Variants in NLRP3 observed in about 807,000 individuals in gnomAD.
NLRP3 encodes the protein NLR family pyrin domain containing 3.
NLRP3 carries 48 observed loss-of-function variants against 91.3 expected under a neutral mutation model. The observed-to-expected ratio is 0.53, with a 90% CI of 0.42 to 0.67. The LOEUF is 0.67. Ranked by LOEUF, NLRP3 falls within the 30% of genes least tolerant of loss-of-function variation. NLRP3 has a pLI of 0.00. For missense variants in NLRP3, 982 were observed against 1,276.9 expected (o/e 0.77, Z 3.52); for synonymous variants, 561 against 507.9 (o/e 1.10, Z -1.41).
At chr1:247,423,815 A>G (rs2103104982) in intron 3 of NLRP3, 32 bp from the exon 4 acceptor site, 2 of 1,598,258 alleles carry the variant, frequency 1.3e-6, no homozygotes, top group Non-Finnish European at 1.7e-6. Flanking sequence ...ATGTGTGTAT[A>G]CTTTCCCCCT....
At chr1:247,441,198 C>CG (rs1558207348) in intron 7 of NLRP3, among the ~76,000 whole-genome samples, 69 of 103,206 alleles carry the variant, frequency 6.7e-4, no homozygotes, top group African/African-American at 2.3e-3. Flanking sequence ...TCCCCTCCCC[C>CG]CCCCCTTTCC....
intron 9 of NLRP3, among the ~76,000 whole-genome samples, chr1:247,447,928 A>G (rs1664693489): frequency 6.6e-6 from 1 of 151,758 alleles, no homozygotes; most frequent in Admixed American, 6.6e-5. Flanking sequence ...TCATTATACT[A>G]TTTTCTATAC....
chr1:247,444,637 C>A lies in NLRP3; in HGVS notation c.2835-14C>A. The stretch of plus-strand genomic sequence containing the variant: ...TTAAGGGGACATTTTCTTTAAATCA[C>A]CCCCTTTTTGCAGATTAGACAACTG... On this transcript the variant is annotated splice_polypyrimidine_tract_variant and intron_variant, in intron 8 of 9. Coordinates refer to ENST00000336119, the MANE Select transcript of NLRP3 (RefSeq NM_001243133.2). The A allele has an allele frequency of 3.1e-6, 5 of 1,613,552 alleles. No homozygotes were observed. Among genetic ancestry groups the A allele is most frequent in the Non-Finnish European group, 4.2e-6 (5 of 1,179,798 alleles).
chr1:247,444,552 T>G, intron 8 of NLRP3, 99 bp from the exon 9 acceptor site: 1 of 1,321,422 alleles, frequency 7.6e-7, no homozygotes, highest in Non-Finnish European at 1.1e-6. Flanking sequence ...GTGCTTTTTT[T>G]TTTTCCACCT....
At chr1:247,436,993 C>T (rs1317705344) in intron 7 of NLRP3, among the ~76,000 whole-genome samples, 1 of 152,220 alleles carries the variant, frequency 6.6e-6, no homozygotes, top group Non-Finnish European at 1.5e-5. Context: ...TTCAGGGAGC[C>T]TCATAACTTT....
chr1:247,445,684 C>T (rs561767589), intron 9 of NLRP3, among the ~76,000 whole-genome samples: 1 of 152,312 alleles, frequency 6.6e-6, no homozygotes, highest in Admixed American at 6.5e-5. Context: ...GATGATTGCA[C>T]TTTTCCCTGA....
At chr1:247,431,560 T>C (rs927330077) in intron 5 of NLRP3, among the ~76,000 whole-genome samples, 3 of 152,168 alleles carry the variant, frequency 2.0e-5, no homozygotes, top group African/African-American at 7.2e-5. Flanking sequence ...TCCCCGGGGA[T>C]GGGGTTTGCG....
intron 7 of NLRP3, among the ~76,000 whole-genome samples, chr1:247,438,378 GTTTTTTTTTTT>G (rs74163772): frequency 9.7e-5 from 7 of 71,916 alleles, no homozygotes; most frequent in Non-Finnish European, 1.8e-4. Flanking sequence ...GTTTAGTTGT[GTTTTTTTTTTT>G]TTTTTTTTTT....
At chr1:247,423,642 A>T (rs559499002) in intron 3 of NLRP3, among the ~76,000 whole-genome samples, 33 of 152,114 alleles carry the variant, frequency 2.2e-4, no homozygotes, top group Non-Finnish European at 4.1e-4. Flanking sequence ...GTAGCTACAC[A>T]TAGAGATGGG....
intron 6 of NLRP3, among the ~76,000 whole-genome samples, chr1:247,435,536 G>A (rs1663724808): frequency 6.6e-6 from 1 of 152,210 alleles, no homozygotes; most frequent in Admixed American, 6.5e-5. Context: ...GAGACAGGAA[G>A]AAACGTGGTT....
chr1:247,441,717 G>A (rs1242363416), intron 7 of NLRP3, among the ~76,000 whole-genome samples: 3 of 152,198 alleles, frequency 2.0e-5, no homozygotes, highest in Non-Finnish European at 4.4e-5. Context: ...GGTGGGACAT[G>A]GTTGTTTGAT....
rs1244421162 is a variant in NLRP3, at chr1:247,419,017, T to C, written c.217T>C (p.Phe73Leu). The C allele has an allele frequency of 6.2e-7, 1 of 1,613,814 alleles. No homozygotes were observed. The highest frequency in any genetic ancestry group is 8.5e-7 in the Non-Finnish European group (1 of 1,180,032). ...GGCGTGGGCCATGGCCGTGTGGATC[T>C]TCGCTGCGATCAACAGGAGAGACCT... ...EKAWAMAVWIFAAINRRDLYE... is the reference protein window; with the variant it reads ...EKAWAMAVWILAAINRRDLYE... Residue 73 changes from phenylalanine (F) to leucine (L), a missense_variant, in exon 2 of 10, where the codon TTC (phenylalanine) becomes CTC (leucine). Around this residue, in one of 5 missense-constraint regions of NLRP3, gnomAD observed 548 missense variants for 713.7 expected, o/e 0.77. Transcript: ENST00000336119.
intron 4 of NLRP3, among the ~76,000 whole-genome samples, chr1:247,428,986 A>C (rs1435056404): frequency 6.7e-6 from 1 of 149,546 alleles, no homozygotes; most frequent in East Asian, 2.0e-4. Context: ...TCCACCTCCC[A>C]GGTTCAAGTG....
Position 247,424,750 on chromosome 1 carries a change from C to T in NLRP3, c.1301C>T (p.Ser434Phe), listed in dbSNP as rs978050105. The change falls in exon 4 of 10, where the codon TCC becomes TTC. Residue 434 changes from serine (S) to phenylalanine (F), a missense_variant. Ser to Phe is a radical substitution (Grantham distance 155). Coordinates refer to ENST00000336119, the MANE Select transcript of NLRP3 (RefSeq NM_001243133.2). This position sits in a 1 kb window ranked among gnomAD's most constrained non-coding sequence, Gnocchi z 8.1. ...MESGKSLAQT[S>F]KTTTAVYVFF... ...AGTGGCAAGAGCCTTGCCCAGACATCCAAGACCACCACCGCGGTGTACGTC... is the reference window on the plus strand; with the variant it reads ...AGTGGCAAGAGCCTTGCCCAGACATTCAAGACCACCACCGCGGTGTACGTC... 6.2e-7 allele frequency: 1 copy of T among 1,613,508 alleles called. No individual in the cohort carries two copies. The highest frequency in any genetic ancestry group is 1.1e-5 in the South Asian group (1 of 91,084).
intron 4 of NLRP3, among the ~76,000 whole-genome samples, chr1:247,426,519 C>G (rs1365207248): frequency 1.3e-5 from 2 of 152,216 alleles, no homozygotes; most frequent in East Asian, 1.9e-4. Flanking sequence ...TTAAGGGAAA[C>G]AGGAGGCTTG....
chr1:247,448,384 G>T (rs993411373), intron 9 of NLRP3, 21 bp from the exon 10 acceptor site: 2 of 1,391,418 alleles, frequency 1.4e-6, no homozygotes, highest in Admixed American at 1.7e-5. Context: ...TGCAACCCAG[G>T]CTTTCTATTT....
intron 5 of NLRP3, among the ~76,000 whole-genome samples, chr1:247,430,396 C>T (rs2103136321): frequency 6.6e-6 from 1 of 151,740 alleles, no homozygotes; most frequent in East Asian, 1.9e-4. Flanking sequence ...CCTCTTCTTA[C>T]AGGGACAGCA....
Position 247,423,907 on chromosome 1 carries a change from A to G in NLRP3, c.458A>G (p.Asn153Ser). Residue 153 changes from asparagine (N) to serine (S), a missense_variant, in exon 4 of 10, where the codon AAT becomes AGT. By Grantham distance (46) the Asn-to-Ser change is conservative. This residue lies in a region of NLRP3 where 548 missense variants were observed against 713.7 expected (regional missense o/e 0.77). Transcript: ENST00000336119. ...RSRFQCIEDR[N>S]ARLGESVSLN... ...AGATTCCAGTGCATTGAAGACAGGA[A>G]TGCCCGTCTGGGTGAGAGTGTGAGC... 2 of 1,614,114 alleles carry G rather than the reference A, an allele frequency of 1.2e-6. No homozygotes were observed. Among genetic ancestry groups the G allele is most frequent in the African/African-American group, 1.3e-5 (1 of 75,036 alleles).
chr1:247,432,181 C>T (rs992053627), intron 5 of NLRP3, among the ~76,000 whole-genome samples: 1 of 152,238 alleles, frequency 6.6e-6, no homozygotes, highest in East Asian at 1.9e-4. Flanking sequence ...CCGTGCCCGG[C>T]CTTAGTGTAA....
Sources: gnomAD v4.1 joint callset for allele counts (sites outside exome capture counted in the v4.1 genomes callset) on GRCh38, gnomAD v4.1.1 for gene constraint, gnomAD v4.1.1 regional missense constraint, Gnocchi (gnomAD v3.1) non-coding constraint, MANE v1.5 for transcripts, NCBI Gene and HGNC (gene_info 2026-07-23, HGNC 2026-07-21) for gene names.